PROK2: variants seen among roughly 807,000 people sequenced by gnomAD.
PROK2 encodes the protein prokineticin 2.
PROK2 carries 8 observed loss-of-function variants against 14.2 expected under a neutral mutation model. That is an observed-to-expected ratio of 0.56 (90% CI 0.33 to 1.02). PROK2 has a LOEUF of 1.02. Ranked by LOEUF, PROK2 falls within the 50% of genes least tolerant of loss-of-function variation. The probability of loss-of-function intolerance (pLI) is 0.03; values close to 1 mark genes in which losing one functional copy is unlikely to be tolerated. For synonymous variants in PROK2, 59 were observed against 60.7 expected (o/e 0.97, Z 0.13); for missense variants, 154 against 160.4 (o/e 0.96, Z 0.22).
chr3:71,776,336 T>G (rs1288333809), intron 2 of PROK2, among the ~76,000 whole-genome samples: 1 of 151,286 alleles, frequency 6.6e-6, no homozygotes, highest in Non-Finnish European at 1.5e-5. Flanking sequence ...CTTTTCTCTC[T>G]TCTTTTCTTT....
Position 71,772,774 on chromosome 3 carries a change from C to T in PROK2, c.340G>A (p.Ala114Thr), listed in dbSNP as rs754857529. 1.2e-6 allele frequency: 2 copies of T among 1,614,040 alleles called. No individual in the cohort carries two copies. Among genetic ancestry groups the T allele is most frequent in the Non-Finnish European group, 1.7e-6 (2 of 1,180,028 alleles). ...HHTCPCLPGL[A>T]CLRTSFNRFI... is the part of the protein sequence containing the mutation. ...CGGTTAAATGAAGTCCGTAAACAGG[C>T]CAAGCCTGGCAGACATGGGCAAGTG... Residue 114 changes from alanine (A) to threonine (T), a missense_variant, in exon 4 of 4, where the codon GCC (alanine) becomes ACC (threonine). Ala to Thr is a moderately conservative substitution (Grantham distance 58). Transcript: ENST00000295619.
rs554675432 is a variant in PROK2 at position 71,781,525 on chromosome 3, AT to A, written c.163del (p.Ile55Ter). On this transcript the variant is annotated frameshift_variant, in exon 2 of 4. Transcript: ENST00000295619. LOFTEE classifies it high-confidence loss of function. Reference protein sequence around the residue: ...CCAVSIWVKSIRICTPMGKLG... With the variant: ...CCAVSIWVKSXRICTPMGKLG... ...TTTGCCCATAGGTGTGCAAATCCTT[AT>A]GCTCTTGACCCAGATACTGACAGCA... 355 of 1,613,614 alleles carry A rather than the reference AT, an allele frequency of 2.2e-4. No homozygotes were observed. The highest frequency in any genetic ancestry group is 2.9e-4 in the Non-Finnish European group (347 of 1,179,670).
rs1472432400 is a variant in PROK2, at chr3:71,774,463, T to A, written c.267A>T (p.Arg89Ser). 1 of 1,551,512 alleles carries A rather than the reference T, an allele frequency of 6.4e-7. No individual in the cohort carries two copies. Residue 89 changes from arginine (R) to serine (S), a missense_variant, in exon 3 of 4, where the codon AGA (arginine) becomes AGT (serine). Coordinates refer to ENST00000295619, the MANE Select transcript of PROK2 (RefSeq NM_001126128.2). ...TTCTTACCTCCTTTTTCCTTTTGCTTCTCTTCCTCTTTCTTCTTTCCTGCC... is the reference window on the plus strand; with the variant it reads ...TTCTTACCTCCTTTTTCCTTTTGCTACTCTTCCTCTTTCTTCTTTCCTGCC... ...NGRQERRKRK[R>S]SKRKKEVPFF...
intron 2 of PROK2, among the ~76,000 whole-genome samples, chr3:71,780,316 A>G (rs7634474): frequency 0.7 from 106,035 of 152,134 alleles, 39,321 homozygotes; most frequent in Non-Finnish European, 0.83. Flanking sequence ...AGGGGCCACA[A>G]TTTATTTCAT....
intron 2 of PROK2, among the ~76,000 whole-genome samples, 187 bp from the exon 3 acceptor site, chr3:71,774,694 T>C (rs1430182122): frequency 6.6e-6 from 1 of 152,168 alleles, no homozygotes. Flanking sequence ...TGCAGTCATG[T>C]TCACCACTGG....
chr3:71,774,583 G>T (rs2050104400), intron 2 of PROK2, 76 bp from the exon 3 acceptor site: 14 of 1,508,104 alleles, frequency 9.3e-6, no homozygotes, highest in African/African-American at 1.4e-5. Flanking sequence ...GGCAGGGTAT[G>T]CATGTAGTGA....
rs577539717 is a variant in PROK2, at chr3:71,776,294, T to C, written c.223-1787A>G. Reference sequence around the variant, plus strand: ...CAGTTCACTCAGTTCTGTGAGCTCCTAACGACAAAAACCATGATTCCTTTT... The same window carrying C: ...CAGTTCACTCAGTTCTGTGAGCTCCCAACGACAAAAACCATGATTCCTTTT... On this transcript the variant is annotated intron_variant, in intron 2 of 3. Transcript: ENST00000295619. 1.3e-4 allele frequency among the ~76,000 whole-genome samples: 20 copies of C among 151,520 alleles called. No homozygotes were observed. In the South Asian group the frequency reaches 3.5e-3, roughly 27 times the overall value.
At chr3:71,778,626 T>C (rs1388923857) in intron 2 of PROK2, among the ~76,000 whole-genome samples, 2 of 152,170 alleles carry the variant, frequency 1.3e-5, no homozygotes, top group Non-Finnish European at 2.9e-5. Flanking sequence ...TACTAATGAG[T>C]CATTAAACTT....
In PROK2 at chr3:71,780,959, A is replaced by C. The variant is rs538571327; in HGVS notation, c.222+508T>G. ...AAAATTAAATATCATCGATCTCTAA[A>C]ATTTTGAAAAATGTGTCCTGTAGGT... On this transcript the variant is annotated intron_variant, in intron 2 of 3. Transcript: ENST00000295619. Among the ~76,000 whole-genome samples, 3 of 152,348 alleles carry C rather than the reference A, an allele frequency of 2.0e-5. No homozygotes were observed. In the East Asian group the frequency reaches 5.8e-4, roughly 29 times the overall value.
Position 71,772,485 on chromosome 3 carries a change from A to G in PROK2, c.*239T>C, listed in dbSNP as rs1182788048. 4.4e-6 allele frequency: 2 copies of G among 456,932 alleles called. No homozygotes were observed. The highest frequency in any genetic ancestry group is 4.0e-5 in the African/African-American group (2 of 49,868). The allele number at this position is 456,932 out of a possible 1,614,324, so 28.3% of individuals were successfully genotyped here. The stretch of plus-strand genomic sequence containing the variant: ...AAAAGCCAAATCAAACCAAAACACA[A>G]ACAGGGAAATAAGAACCAGTTCCAT... On this transcript the variant is annotated 3_prime_UTR_variant, in exon 4 of 4. Coordinates refer to ENST00000295619, the MANE Select transcript of PROK2 (RefSeq NM_001126128.2).
chr3:71,775,780 G>C (rs1053335163), intron 2 of PROK2, among the ~76,000 whole-genome samples: 5 of 152,210 alleles, frequency 3.3e-5, no homozygotes, highest in Middle Eastern at 6.8e-3. Context: ...CTCTCTAAAG[G>C]GGGGACCATA....
At chr3:71,781,357 C>A in intron 2 of PROK2, 110 bp downstream of exon 2, 1 of 1,384,218 alleles carries the variant, frequency 7.2e-7, no homozygotes, top group South Asian at 1.2e-5. Context: ...TGCTAATGTC[C>A]AATATTCATT....
At position 71,774,526 on chromosome 3, in the gene PROK2, C is replaced by A. The variant is rs539208425; in HGVS notation, c.223-19G>T. On this transcript the variant is annotated intron_variant, in intron 2 of 3. Coordinates refer to ENST00000295619, the MANE Select transcript of PROK2 (RefSeq NM_001126128.2). ...AATTGTTCTGGAAGGGCCAGGGAGACGATTGAGATCAATAAATACAAAGGG... is the reference window on the plus strand; with the variant it reads ...AATTGTTCTGGAAGGGCCAGGGAGAAGATTGAGATCAATAAATACAAAGGG... The A allele has an allele frequency of 6.5e-7, 1 of 1,547,768 alleles. No homozygotes were observed. The highest frequency in any genetic ancestry group is 2.0e-5 in the Admixed American group (1 of 50,282).
intron 3 of PROK2, among the ~76,000 whole-genome samples, chr3:71,773,275 C>T (rs1328162506): frequency 3.3e-5 from 5 of 152,174 alleles, no homozygotes; most frequent in Non-Finnish European, 5.9e-5. Context: ...TTACCATACC[C>T]GGCCTGCTCA....
chr3:71,777,465 T>C (rs2050128840), intron 2 of PROK2, among the ~76,000 whole-genome samples: 1 of 152,146 alleles, frequency 6.6e-6, no homozygotes, highest in Non-Finnish European at 1.5e-5. Context: ...CATAGGTTGG[T>C]TCTAAAGTAG....
intron 2 of PROK2, among the ~76,000 whole-genome samples, chr3:71,775,295 T>G (rs2050109601): frequency 6.6e-6 from 1 of 152,162 alleles, no homozygotes. Flanking sequence ...AGATACTGAG[T>G]GCTACCTACA....
intron 2 of PROK2, among the ~76,000 whole-genome samples, chr3:71,780,853 A>G (rs2050155144): frequency 6.6e-6 from 1 of 152,224 alleles, no homozygotes; most frequent in Non-Finnish European, 1.5e-5. Flanking sequence ...CCCTATGATC[A>G]TGCCACTACT....
At chr3:71,778,505 G>A (rs982577886) in intron 2 of PROK2, among the ~76,000 whole-genome samples, 1 of 151,968 alleles carries the variant, frequency 6.6e-6, no homozygotes, top group Non-Finnish European at 1.5e-5. Context: ...CTCAGTTTCA[G>A]TCATCAAATA....
In PROK2 at chr3:71,783,920, T is replaced by C. The variant is rs1315412368; in HGVS notation, c.96+1037A>G. Among the ~76,000 whole-genome samples, 4 of 152,274 alleles carry C rather than the reference T, an allele frequency of 2.6e-5. No homozygotes were observed. The East Asian group carries it at 5.8e-4, about 22-fold the overall frequency. Reference sequence around the variant, plus strand: ...AATTCTATAAACCTAATAACTAATATAGAGAAAATAGAGCTTGATTTTTTC... The same window carrying C: ...AATTCTATAAACCTAATAACTAATACAGAGAAAATAGAGCTTGATTTTTTC... On this transcript the variant is annotated intron_variant, in intron 1 of 3. Transcript: ENST00000295619.
Sources: allele counts gnomAD v4.1 joint callset (sites outside exome capture counted in the v4.1 genomes callset), GRCh38; gene constraint gnomAD v4.1.1; transcripts MANE v1.5; gene names NCBI Gene and HGNC (gene_info 2026-07-23, HGNC 2026-07-21).